GRIK1: variants seen among roughly 807,000 people sequenced by gnomAD.
GRIK1 encodes glutamate receptor ionotropic, kainate 1.
In GRIK1, 69 loss-of-function variants were observed where a neutral mutation model predicts 105.7. The observed-to-expected ratio is 0.65, with a 90% CI of 0.54 to 0.80. GRIK1 has a LOEUF of 0.80. GRIK1 is among the 30% of genes least tolerant of loss of function. The pLI, the probability that GRIK1 is intolerant of heterozygous loss-of-function variation, is 0.00. For synonymous variants in GRIK1, 438 were observed against 431.3 expected (o/e 1.02, Z -0.19); for missense variants, 1,109 against 1,167.3 (o/e 0.95, Z 0.73).
At chr21:29,591,358 A>G (rs2061331638) in intron 9 of GRIK1, 133 bp from the exon 10 acceptor site, 1 of 689,182 alleles carries the variant, frequency 1.5e-6, no homozygotes, top group East Asian at 2.6e-5. Flanking sequence ...AGTGGAAGCT[A>G]CTAAACGTGG....
chr21:29,714,324 A>T (rs1272474973), intron 1 of GRIK1, among the ~76,000 whole-genome samples: 1 of 152,198 alleles, frequency 6.6e-6, no homozygotes, highest in African/African-American at 2.4e-5. Context: ...ATCAAATGCT[A>T]TAATAAAACT....
intron 7 of GRIK1, among the ~76,000 whole-genome samples, chr21:29,631,112 C>T (rs73197514): frequency 6.6e-5 from 10 of 152,094 alleles, no homozygotes; most frequent in Admixed American, 2.0e-4. Context: ...CTAGCCAGTT[C>T]GTGGTAAGTT....
intron 1 of GRIK1, among the ~76,000 whole-genome samples, chr21:29,798,774 GA>G (rs1433294216): frequency 6.6e-6 from 1 of 152,190 alleles, no homozygotes; most frequent in East Asian, 1.9e-4. Flanking sequence ...TTAACGTGCT[GA>G]CAAATTCTAG....
chr21:29,804,843 T>A (rs2036774569), intron 1 of GRIK1, among the ~76,000 whole-genome samples: 1 of 152,156 alleles, frequency 6.6e-6, no homozygotes, highest in Non-Finnish European at 1.5e-5. Flanking sequence ...ACTTGTATAG[T>A]ATTTACCATA....
intron 1 of GRIK1, among the ~76,000 whole-genome samples, chr21:29,746,392 A>G (rs1014380271): frequency 8.5e-5 from 13 of 152,278 alleles, no homozygotes; most frequent in Non-Finnish European, 1.3e-4. Flanking sequence ...AAATACAGAT[A>G]GTGACATCAT....
intron 3 of GRIK1, among the ~76,000 whole-genome samples, chr21:29,675,098 C>A: frequency 6.6e-6 from 1 of 152,108 alleles, no homozygotes; most frequent in East Asian, 1.9e-4. Flanking sequence ...ACCATTATTA[C>A]TATTATTATT....
chr21:29,743,453 T>C (rs2064976383), intron 1 of GRIK1, among the ~76,000 whole-genome samples: 1 of 152,144 alleles, frequency 6.6e-6, no homozygotes, highest in South Asian at 2.1e-4. Flanking sequence ...CCCAGCACTT[T>C]GGGAGGCCTA....
intron 1 of GRIK1, among the ~76,000 whole-genome samples, chr21:29,905,324 A>G (rs745863358): frequency 2.2e-4 from 33 of 152,196 alleles, no homozygotes; most frequent in Non-Finnish European, 4.7e-4. Flanking sequence ...CAGATTCACC[A>G]GGAAGGAGGA....
At chr21:29,878,508 T>C (rs2069276513) in intron 1 of GRIK1, among the ~76,000 whole-genome samples, 1 of 151,776 alleles carries the variant, frequency 6.6e-6, no homozygotes, top group Admixed American at 6.6e-5. Context: ...AAGGAGAAGA[T>C]GGAATGAAGA....
intron 1 of GRIK1, among the ~76,000 whole-genome samples, chr21:29,703,518 C>T (rs1026520701): frequency 1.3e-5 from 2 of 152,178 alleles, no homozygotes; most frequent in South Asian, 2.1e-4. Flanking sequence ...ATTTACTGCA[C>T]CTTTAATTCC....
chr21:29,696,100 A>G (rs1410398321), intron 1 of GRIK1, among the ~76,000 whole-genome samples: 1 of 152,232 alleles, frequency 6.6e-6, no homozygotes, highest in African/African-American at 2.4e-5. Context: ...GACTTTATTA[A>G]ATAACTAACT....
intron 6 of GRIK1, among the ~76,000 whole-genome samples, chr21:29,644,524 A>G (rs2146533550): frequency 6.6e-6 from 1 of 152,350 alleles, no homozygotes; most frequent in East Asian, 1.9e-4. Flanking sequence ...ATTCATGCTT[A>G]TGTAATTGAC....
chr21:29,629,635 G>T (rs982024413), intron 7 of GRIK1, among the ~76,000 whole-genome samples: 28 of 152,036 alleles, frequency 1.8e-4, no homozygotes, highest in African/African-American at 6.8e-4. Context: ...GACTAGAGGC[G>T]CCCGCCACCA....
chr21:29,881,379 TAAAAC>T (rs1203193523), intron 1 of GRIK1, among the ~76,000 whole-genome samples: 1 of 152,024 alleles, frequency 6.6e-6, no homozygotes, highest in Non-Finnish European at 1.5e-5. Context: ...TTCAATAAAA[TAAAAC>T]AAAATAAAAT....
At chr21:29,686,833 C>A (rs1218113317) in intron 3 of GRIK1, among the ~76,000 whole-genome samples, 1 of 152,190 alleles carries the variant, frequency 6.6e-6, no homozygotes, top group Non-Finnish European at 1.5e-5. Context: ...CCACACACTG[C>A]AGTTGAGGCT....
In GRIK1 at chr21:29,537,899, AG is replaced by A; in HGVS notation, c.2608-16del. 2.7e-6 allele frequency: 3 copies of A among 1,115,542 alleles called. No homozygotes were observed. The highest frequency in any genetic ancestry group is 2.7e-6 in the Non-Finnish European group (2 of 747,478). The allele number at this position is 1,115,542 out of a possible 1,614,324, so 69.1% of individuals were successfully genotyped here. On this transcript the variant is annotated splice_polypyrimidine_tract_variant and intron_variant, in intron 16 of 17. Coordinates refer to ENST00000327783, the MANE Select transcript of GRIK1 (RefSeq NM_001330994.2). ...GACTTTCCTTTCTGATAAAAAAAAA[AG>A]AAAAAAAAACAATTTTAAATTGTAC... is the stretch of plus-strand genomic sequence containing the variant.
intron 16 of GRIK1, among the ~76,000 whole-genome samples, chr21:29,541,811 T>C (rs1404018381): frequency 2.8e-5 from 2 of 71,474 alleles, no homozygotes; most frequent in African/African-American, 8.1e-5. Flanking sequence ...ACAACTTGTA[T>C]TGTGCTTTAT....
At chr21:29,640,567 T>C (rs2062491463) in intron 7 of GRIK1, among the ~76,000 whole-genome samples, 2 of 152,216 alleles carry the variant, frequency 1.3e-5, no homozygotes, top group Non-Finnish European at 2.9e-5. Context: ...AAATGCCTTC[T>C]TATTTTCAGT....
At chr21:29,727,593 G>T (rs1252033339) in intron 1 of GRIK1, among the ~76,000 whole-genome samples, 1 of 152,152 alleles carries the variant, frequency 6.6e-6, no homozygotes, top group Non-Finnish European at 1.5e-5. Context: ...AACGGGAGCA[G>T]GCGAAAGTTA....
Sources: allele counts gnomAD v4.1 joint callset (sites outside exome capture counted in the v4.1 genomes callset), GRCh38; gene constraint gnomAD v4.1.1; transcripts MANE v1.5; gene names NCBI Gene and HGNC (gene_info 2026-07-23, HGNC 2026-07-21).